The following POFUT3 variants were observed in gnomAD, a reference collection of about 807,000 sequenced individuals.
The protein encoded by POFUT3 is GDP-fucose protein O-fucosyltransferase 3.
chr8:33,461,555 C>A, the POFUT3 span: 1 of 1,578,464 alleles, frequency 6.3e-7, no homozygotes, highest in African/African-American at 1.3e-5. Flanking sequence ...ACCATCTGGG[C>A]GCCAATTTCC....
chr8:33,470,650 C>T, the POFUT3 span, among the ~76,000 whole-genome samples: 1 of 152,066 alleles, frequency 6.6e-6, no homozygotes, highest in African/African-American at 2.4e-5. Flanking sequence ...AATCCCTCAT[C>T]TCTAGAAAAA....
chr8:33,408,218 T>G, the POFUT3 span, among the ~76,000 whole-genome samples: 1 of 151,532 alleles, frequency 6.6e-6, no homozygotes, highest in Non-Finnish European at 1.5e-5. Flanking sequence ...CCCAGCTACT[T>G]GGAGGCTGAA....
chr8:33,433,695 A>C, the POFUT3 span, among the ~76,000 whole-genome samples: 2 of 150,946 alleles, frequency 1.3e-5, no homozygotes, highest in Non-Finnish European at 3.0e-5. Context: ...GAGGCAGGAG[A>C]ATCACTTGAA....
chr8:33,437,204 G>T, the POFUT3 span, among the ~76,000 whole-genome samples: 439 of 152,050 alleles, frequency 2.9e-3, 4 homozygotes, highest in Middle Eastern at 0.01. Flanking sequence ...TTGCTCTTGT[G>T]AACAGTGCTA....
the POFUT3 span, among the ~76,000 whole-genome samples, chr8:33,471,297 G>A: frequency 6.6e-6 from 1 of 152,198 alleles, no homozygotes; most frequent in Non-Finnish European, 1.5e-5. Flanking sequence ...GCCCAGGCTG[G>A]AGTGCAGTGG....
chr8:33,345,816 G>T, the POFUT3 span, among the ~76,000 whole-genome samples: 1 of 149,320 alleles, frequency 6.7e-6, no homozygotes, highest in Non-Finnish European at 1.5e-5. Flanking sequence ...ACAGAAGTTG[G>T]TATTTATTAC....
chr8:33,382,393 GT>G, the POFUT3 span, among the ~76,000 whole-genome samples: 137,329 of 150,402 alleles, frequency 0.91, 62,826 homozygotes, highest in East Asian at 1. Flanking sequence ...CAGCAAGGTG[GT>G]TTTTTTTTTT....
At chr8:33,333,436 T>C in the POFUT3 span, among the ~76,000 whole-genome samples, 1 of 152,044 alleles carries the variant, frequency 6.6e-6, no homozygotes, top group Non-Finnish European at 1.5e-5. Flanking sequence ...AAAAGAGATG[T>C]CTAGAAAAGA....
the POFUT3 span, among the ~76,000 whole-genome samples, chr8:33,347,260 T>C: frequency 6.6e-6 from 1 of 152,330 alleles, no homozygotes; most frequent in African/African-American, 2.4e-5. Context: ...AAGCCTGCAC[T>C]GTTTGGTTGT....
At chr8:33,433,706 C>T in the POFUT3 span, among the ~76,000 whole-genome samples, 1 of 151,342 alleles carries the variant, frequency 6.6e-6, no homozygotes, top group Non-Finnish European at 1.5e-5. Flanking sequence ...ATCACTTGAA[C>T]TCAGGAGGCA....
chr8:33,396,198 T>C, the POFUT3 span, among the ~76,000 whole-genome samples: 1 of 152,238 alleles, frequency 6.6e-6, no homozygotes, highest in South Asian at 2.1e-4. Flanking sequence ...GCCCTCACTC[T>C]GGGCAATGCT....
the POFUT3 span, among the ~76,000 whole-genome samples, chr8:33,323,756 TAAGTG>T: frequency 6.6e-6 from 1 of 152,174 alleles, no homozygotes; most frequent in Non-Finnish European, 1.5e-5. Flanking sequence ...AACCTTATAA[TAAGTG>T]AAGTAACTTT....
the POFUT3 span, among the ~76,000 whole-genome samples, chr8:33,313,236 T>A: frequency 1.3e-5 from 2 of 152,166 alleles, no homozygotes; most frequent in Non-Finnish European, 2.9e-5. Context: ...ACAGTCAGGG[T>A]AAGCCAACTT....
At chr8:33,423,818 T>TAAAAAA in the POFUT3 span, among the ~76,000 whole-genome samples, 19 of 70,144 alleles carry the variant, frequency 2.7e-4, no homozygotes, top group African/African-American at 3.3e-4. Context: ...GCACACCAAG[T>TAAAAAA]AAAAAAAAAA....
chr8:33,451,325 G>A, the POFUT3 span, among the ~76,000 whole-genome samples: 1 of 151,986 alleles, frequency 6.6e-6, no homozygotes, highest in Admixed American at 6.6e-5. Context: ...AAATTTTTCA[G>A]ATTTAGGATG....
chr8:33,319,401 A>ATT, the POFUT3 span, among the ~76,000 whole-genome samples: 1 of 33,674 alleles, frequency 3.0e-5, no homozygotes, highest in African/African-American at 1.6e-4. Context: ...TTTTATATAT[A>ATT]GTATATATTA....
chr8:33,334,483 G>C, the POFUT3 span, among the ~76,000 whole-genome samples: 4 of 152,194 alleles, frequency 2.6e-5, no homozygotes, highest in Non-Finnish European at 5.9e-5. Flanking sequence ...CTCCTAAAGT[G>C]CTGGGATTAG....
chr8:33,424,709 C>T, the POFUT3 span, among the ~76,000 whole-genome samples: 1 of 152,196 alleles, frequency 6.6e-6, no homozygotes, highest in Non-Finnish European at 1.5e-5. Context: ...TCCACCCTCT[C>T]CTCCACTCCT....
chr8:33,324,092 A>T, the POFUT3 span, among the ~76,000 whole-genome samples: 760 of 152,312 alleles, frequency 5.0e-3, 4 homozygotes, highest in Middle Eastern at 0.02. Flanking sequence ...TGATGTCCAT[A>T]GACTCCCCAG....
Sources: allele counts gnomAD v4.1 joint callset (sites outside exome capture counted in the v4.1 genomes callset), GRCh38; gene constraint gnomAD v4.1.1; transcripts MANE v1.5; gene names NCBI Gene and HGNC (gene_info 2026-07-23, HGNC 2026-07-21).